Variants in ADAMTS17 observed in about 807,000 individuals in gnomAD.
The protein encoded by ADAMTS17 is ADAM metallopeptidase with thrombospondin type 1 motif 17, also known as A disintegrin and metalloproteinase with thrombospondin motifs 17.
Under a neutral mutation model 141.5 loss-of-function variants are expected in ADAMTS17, and 113 were observed. The ratio of observed to expected loss-of-function variants is 0.80; its 90% CI spans 0.69 to 0.93. The LOEUF (loss-of-function observed/expected upper bound fraction) is 0.93. ADAMTS17 is among the 40% of genes least tolerant of loss of function. ADAMTS17 has a pLI of 0.00. For synonymous variants in ADAMTS17, 768 were observed against 630.6 expected (o/e 1.22, Z -3.27); for missense variants, 1,659 against 1,517.9 (o/e 1.09, Z -1.54).
At chr15:99,991,567 T>C (rs1354210614) in intron 20 of ADAMTS17, among the ~76,000 whole-genome samples, 1 of 152,212 alleles carries the variant, frequency 6.6e-6, no homozygotes, top group Admixed American at 6.5e-5. Flanking sequence ...TTTTACACTG[T>C]TCATGGGGAA....
intron 4 of ADAMTS17, among the ~76,000 whole-genome samples, chr15:100,269,291 T>C (rs1288775264): frequency 6.6e-6 from 1 of 152,222 alleles, no homozygotes; most frequent in African/African-American, 2.4e-5. Flanking sequence ...TCTATTAAAC[T>C]AAAGAGCTTC....
At chr15:100,165,809 T>C (rs112288131) in intron 8 of ADAMTS17, among the ~76,000 whole-genome samples, 1,575 of 152,276 alleles carry the variant, frequency 0.01, 25 homozygotes, top group African/African-American at 0.035. Context: ...GGCTGTAGGA[T>C]GTTAAGAAGA....
chr15:100,020,772 C>T (rs998804354), intron 18 of ADAMTS17, among the ~76,000 whole-genome samples: 3 of 152,350 alleles, frequency 2.0e-5, no homozygotes, highest in African/African-American at 7.2e-5. Flanking sequence ...GCCCAGGGCG[C>T]CCATCCTGAC....
intron 12 of ADAMTS17, among the ~76,000 whole-genome samples, chr15:100,130,504 C>T (rs1236113735): frequency 6.6e-6 from 1 of 152,122 alleles, no homozygotes; most frequent in Non-Finnish European, 1.5e-5. Context: ...GAAAATGGTG[C>T]TCCTGTCACT....
At chr15:100,233,984 C>G (rs367801156) in intron 7 of ADAMTS17, among the ~76,000 whole-genome samples, 71 of 152,234 alleles carry the variant, frequency 4.7e-4, no homozygotes, top group African/African-American at 1.6e-3. Flanking sequence ...AGATTCTGAG[C>G]AGGGAACCCA....
At chr15:100,103,815 A>C (rs1431468170) in intron 14 of ADAMTS17, among the ~76,000 whole-genome samples, 1 of 152,084 alleles carries the variant, frequency 6.6e-6, no homozygotes, top group Admixed American at 6.6e-5. Flanking sequence ...ACCTTAGATA[A>C]TCCACCTACC....
intron 18 of ADAMTS17, among the ~76,000 whole-genome samples, chr15:100,013,283 G>A (rs2061223363): frequency 6.6e-6 from 1 of 152,166 alleles, no homozygotes; most frequent in African/African-American, 2.4e-5. Flanking sequence ...GGAGCTTTCT[G>A]GAGGAGTCTT....
intron 8 of ADAMTS17, among the ~76,000 whole-genome samples, chr15:100,178,456 C>T (rs1447403893): frequency 6.6e-6 from 1 of 152,100 alleles, no homozygotes; most frequent in Admixed American, 6.6e-5. Context: ...TAATGCACTG[C>T]CTTAAGTGTT....
chr15:100,072,989 AT>A (rs1181398356), intron 15 of ADAMTS17, among the ~76,000 whole-genome samples: 1 of 152,198 alleles, frequency 6.6e-6, no homozygotes, highest in Non-Finnish European at 1.5e-5. Flanking sequence ...AACCTGCAGA[AT>A]GGGAGAAAAT....
At chr15:100,028,352 ATC>A (rs1266094901) in intron 18 of ADAMTS17, among the ~76,000 whole-genome samples, 3 of 152,080 alleles carry the variant, frequency 2.0e-5, no homozygotes, top group African/African-American at 4.8e-5. Context: ...CCGGCCATTT[ATC>A]TGTTTGGGAA....
intron 18 of ADAMTS17, among the ~76,000 whole-genome samples, chr15:100,041,461 C>T (rs915475075): frequency 1.1e-4 from 17 of 152,356 alleles, no homozygotes; most frequent in African/African-American, 4.1e-4. Flanking sequence ...GCAGCCCCTG[C>T]CTCCTTGCTC....
intron 2 of ADAMTS17, among the ~76,000 whole-genome samples, chr15:100,331,844 G>T (rs1348189547): frequency 1.3e-5 from 2 of 152,060 alleles, no homozygotes; most frequent in Non-Finnish European, 2.9e-5. Flanking sequence ...GGTCCTGCTG[G>T]AGCCCAAGAA....
intron 7 of ADAMTS17, among the ~76,000 whole-genome samples, chr15:100,222,445 C>CA (rs1290855278): frequency 1.3e-5 from 2 of 152,202 alleles, no homozygotes; most frequent in African/African-American, 4.8e-5. Context: ...AAAACCCGGG[C>CA]AGCCCTGCCT....
chr15:100,109,891 T>C (rs1030821660), intron 13 of ADAMTS17, among the ~76,000 whole-genome samples: 9 of 151,904 alleles, frequency 5.9e-5, no homozygotes, highest in African/African-American at 1.7e-4. Context: ...AGCTCTGAGG[T>C]GGGGCAGGAG....
chr15:100,292,634 G>A (rs995322763), intron 3 of ADAMTS17, among the ~76,000 whole-genome samples: 20 of 152,190 alleles, frequency 1.3e-4, no homozygotes, highest in Non-Finnish European at 2.8e-4. Flanking sequence ...GCACAGAACT[G>A]CCCACCAAGC....
rs28654776 is a variant in ADAMTS17 at position 99,990,066 on chromosome 15, C to T, written c.2949+2982G>A. ...ATGGTTCGAAGTGCATCTTTCTTTT[C>T]GCTCTCTTGACTGAGCTGGAGTGCA... is the stretch of plus-strand genomic sequence containing the variant. On this transcript the variant is annotated intron_variant, in intron 20 of 21. Transcript: ENST00000268070. 3.2e-3 allele frequency among the ~76,000 whole-genome samples: 480 copies of T among 152,296 alleles called. 2 individuals are homozygous for T. Among genetic ancestry groups the T allele is most frequent in the African/African-American group, 0.011 (446 of 41,560 alleles).
At chr15:100,237,115 C>G (rs2042682429) in intron 7 of ADAMTS17, among the ~76,000 whole-genome samples, 2 of 152,156 alleles carry the variant, frequency 1.3e-5, no homozygotes, top group African/African-American at 4.8e-5. Context: ...ACAAGCCTAA[C>G]TGGGGTGTCG....
At chr15:100,092,276 A>G (rs971400690) in intron 15 of ADAMTS17, among the ~76,000 whole-genome samples, 2 of 152,212 alleles carry the variant, frequency 1.3e-5, no homozygotes, top group Non-Finnish European at 2.9e-5. Context: ...ACGTCAGTTT[A>G]TGTAAGCATT....
chr15:100,227,275 C>T (rs908386544), intron 7 of ADAMTS17, among the ~76,000 whole-genome samples: 13 of 152,274 alleles, frequency 8.5e-5, no homozygotes, highest in Middle Eastern at 3.4e-3. Context: ...TCACCTCAAC[C>T]CAAATAACCA....
Sources: gnomAD v4.1 joint callset for allele counts (sites outside exome capture counted in the v4.1 genomes callset) on GRCh38, gnomAD v4.1.1 for gene constraint, MANE v1.5 for transcripts, NCBI Gene and HGNC (gene_info 2026-07-23, HGNC 2026-07-21) for gene names.